CNTNAP5: variants seen among roughly 807,000 people sequenced by gnomAD.
CNTNAP5 encodes the protein contactin associated protein family member 5, also known as contactin-associated protein-like 5.
CNTNAP5 carries 72 observed loss-of-function variants against 150.2 expected under a neutral mutation model. The observed-to-expected ratio is 0.48, with a 90% CI of 0.40 to 0.58. The LOEUF is 0.58. CNTNAP5 is among the 20% of genes least tolerant of loss of function. CNTNAP5 has a pLI of 0.00. For missense variants in CNTNAP5, 1,636 were observed against 1,626.2 expected (o/e 1.01, Z -0.10); for synonymous variants, 672 against 619.8 (o/e 1.08, Z -1.25).
At chr2:124,269,239 A>G (rs933306232) in intron 3 of CNTNAP5, among the ~76,000 whole-genome samples, 2 of 152,156 alleles carry the variant, frequency 1.3e-5, no homozygotes, top group Non-Finnish European at 2.9e-5. Context: ...CTGGTCATCT[A>G]TTTCAGGAAT....
At chr2:124,182,761 T>C (rs1685239999) in intron 1 of CNTNAP5, among the ~76,000 whole-genome samples, 1 of 152,174 alleles carries the variant, frequency 6.6e-6, no homozygotes, top group Non-Finnish European at 1.5e-5. Flanking sequence ...CTCCAAGGTA[T>C]TAGGTTTTCT....
intron 7 of CNTNAP5, among the ~76,000 whole-genome samples, chr2:124,498,962 G>C (rs1419739313): frequency 6.6e-6 from 1 of 152,068 alleles, no homozygotes; most frequent in African/African-American, 2.4e-5. Context: ...TTACAAAAAA[G>C]AAACCTAAGC....
chr2:124,710,988 A>C (rs921069962), intron 13 of CNTNAP5, among the ~76,000 whole-genome samples: 1 of 152,046 alleles, frequency 6.6e-6, no homozygotes, highest in Non-Finnish European at 1.5e-5. Flanking sequence ...TCTTTCTCCT[A>C]TAAGCTGGGC....
At chr2:124,523,726 A>G (rs1278457154) in intron 8 of CNTNAP5, among the ~76,000 whole-genome samples, 1 of 152,210 alleles carries the variant, frequency 6.6e-6, no homozygotes, top group African/African-American at 2.4e-5. Context: ...AAAGTGAGTA[A>G]CTTTGACAAT....
At chr2:124,044,718 G>T (rs1490206656) in intron 1 of CNTNAP5, among the ~76,000 whole-genome samples, 1 of 152,090 alleles carries the variant, frequency 6.6e-6, no homozygotes, top group East Asian at 1.9e-4. Context: ...ATTTCATAAA[G>T]CCATATGGTT....
chr2:124,256,299 C>G (rs1687312998), intron 3 of CNTNAP5, among the ~76,000 whole-genome samples: 1 of 152,064 alleles, frequency 6.6e-6, no homozygotes, highest in African/African-American at 2.4e-5. Flanking sequence ...ATATGCCGTA[C>G]CTTTGAAGTA....
intron 1 of CNTNAP5, among the ~76,000 whole-genome samples, chr2:124,219,129 T>C (rs1458019851): frequency 6.6e-6 from 1 of 152,094 alleles, no homozygotes; most frequent in Non-Finnish European, 1.5e-5. Context: ...CCAGAGTTGT[T>C]TCTTGAGCAA....
rs1185213652 is a variant in CNTNAP5, at chr2:124,773,020, A to G, written c.2752+3A>G. ...GCTGAACAGCCAGTTGTTTGTAGGTAGGGGACATCTTAAGGCTCCTTTTGT... is the reference window on the plus strand; with the variant it reads ...GCTGAACAGCCAGTTGTTTGTAGGTGGGGGACATCTTAAGGCTCCTTTTGT... On this transcript the variant is annotated splice_donor_region_variant and intron_variant, in intron 17 of 23. Transcript: ENST00000682447. 6.2e-7 allele frequency: 1 copy of G among 1,611,512 alleles called. No homozygotes were observed. Among genetic ancestry groups the G allele is most frequent in the Non-Finnish European group, 8.5e-7 (1 of 1,178,860 alleles).
At chr2:124,281,609 T>A (rs1382613026) in intron 3 of CNTNAP5, among the ~76,000 whole-genome samples, 1 of 152,182 alleles carries the variant, frequency 6.6e-6, no homozygotes, top group Non-Finnish European at 1.5e-5. Flanking sequence ...AAAGCTAGTG[T>A]CATCCTACAG....
chr2:124,413,531 C>A lies in CNTNAP5; in HGVS notation c.382-3912C>A, dbSNP rs1691833869. ...ATTAAGAAAATGTGGCACATATACA[C>A]CATGGAATACTAGGCAGCCATAAAA... is the stretch of plus-strand genomic sequence containing the variant. On this transcript the variant is annotated intron_variant, in intron 3 of 23. Transcript: ENST00000682447. Among the ~76,000 whole-genome samples the A allele has an allele frequency of 2.2e-5, 3 of 135,286 alleles. No individual in the cohort carries two copies. In the South Asian group the frequency reaches 7.9e-4, roughly 36 times the overall value. 88.8% of individuals were successfully genotyped at this position (135,286 alleles called of 152,430 possible).
chr2:124,807,291 A>G (rs915842750), intron 19 of CNTNAP5, among the ~76,000 whole-genome samples: 2 of 152,160 alleles, frequency 1.3e-5, no homozygotes, highest in African/African-American at 4.8e-5. Context: ...AAGGACTCTG[A>G]CTGTCGGATG....
chr2:124,892,000 A>C (rs938934870), intron 21 of CNTNAP5, among the ~76,000 whole-genome samples: 1 of 152,036 alleles, frequency 6.6e-6, no homozygotes, highest in African/African-American at 2.4e-5. Flanking sequence ...AGAGCTTTTA[A>C]AGTCATTAAG....
At chr2:124,786,627 GAA>G (rs1491541504) in intron 17 of CNTNAP5, among the ~76,000 whole-genome samples, 4 of 152,226 alleles carry the variant, frequency 2.6e-5, no homozygotes, top group African/African-American at 4.8e-5. Flanking sequence ...GAAAGAGAAA[GAA>G]GAGAGAGAGA....
intron 5 of CNTNAP5, among the ~76,000 whole-genome samples, chr2:124,444,875 G>A (rs1338102858): frequency 6.6e-6 from 1 of 152,080 alleles, no homozygotes; most frequent in African/African-American, 2.4e-5. Context: ...GCTGCATAAG[G>A]AGGGTTTCAC....
intron 19 of CNTNAP5, among the ~76,000 whole-genome samples, chr2:124,830,960 A>G (rs1682703490): frequency 6.6e-6 from 1 of 152,084 alleles, no homozygotes; most frequent in South Asian, 2.1e-4. Context: ...CTTCAAAAAG[A>G]AACTGATTTC....
At chr2:124,563,362 A>C (rs765962035) in intron 11 of CNTNAP5, 39 bp downstream of exon 11, 89 of 1,189,154 alleles carry the variant, frequency 7.5e-5, no homozygotes, top group Non-Finnish European at 1.0e-4. Flanking sequence ...GGCTTGGACA[A>C]AACTCCAGGA....
intron 3 of CNTNAP5, among the ~76,000 whole-genome samples, chr2:124,268,661 T>A (rs576675854): frequency 6.6e-5 from 10 of 152,312 alleles, no homozygotes; most frequent in African/African-American, 2.4e-4. Flanking sequence ...ATGATACACA[T>A]CACCCCTGCC....
intron 1 of CNTNAP5, among the ~76,000 whole-genome samples, chr2:124,176,543 G>C (rs1369691616): frequency 6.6e-6 from 1 of 152,188 alleles, no homozygotes; most frequent in Admixed American, 6.5e-5. Context: ...CTTGATTATA[G>C]TTTTACATGA....
chr2:124,255,574 TAAAATAAAATAATA>T (rs1687291039), intron 3 of CNTNAP5, among the ~76,000 whole-genome samples: 2 of 47,444 alleles, frequency 4.2e-5, no homozygotes, highest in Admixed American at 2.3e-4. Flanking sequence ...TAAAATAAAA[TAAAATAAAATAATA>T]ATTTTTTTTT....
Sources: gnomAD v4.1 joint callset for allele counts (sites outside exome capture counted in the v4.1 genomes callset) on GRCh38, gnomAD v4.1.1 for gene constraint, MANE v1.5 for transcripts, NCBI Gene and HGNC (gene_info 2026-07-23, HGNC 2026-07-21) for gene names.